Variants in DNAJC5B observed in about 807,000 individuals in gnomAD.
The protein encoded by DNAJC5B is DnaJ heat shock protein family (Hsp40) member C5 beta, also known as dnaJ homolog subfamily C member 5B.
Under a neutral mutation model 24.7 loss-of-function variants are expected in DNAJC5B, and 23 were observed. The observed-to-expected ratio is 0.93, with a 90% CI of 0.67 to 1.32. The LOEUF (loss-of-function observed/expected upper bound fraction) is 1.32. DNAJC5B is among the 40% of genes most tolerant of loss of function. The probability of loss-of-function intolerance (pLI) is 0.00; values close to 1 mark genes in which losing one functional copy is unlikely to be tolerated. For missense variants in DNAJC5B, 238 were observed against 240.8 expected, an observed-to-expected ratio of 0.99 and a Z score of 0.08; for synonymous variants, 101 against 90.1, an observed-to-expected ratio of 1.12 and a Z score of -0.68.
chr8:66,047,782 G>A (rs1214896117), intron 2 of DNAJC5B, among the ~76,000 whole-genome samples: 1 of 152,186 alleles, frequency 6.6e-6, no homozygotes, highest in Admixed American at 6.5e-5. Flanking sequence ...TCAGAGTATG[G>A]TGGTGCAGGG....
intron 5 of DNAJC5B, among the ~76,000 whole-genome samples, chr8:66,090,304 G>A (rs1237066253): frequency 4.7e-5 from 7 of 150,534 alleles, no homozygotes; most frequent in South Asian, 2.1e-4. Context: ...AGAGAGAGAA[G>A]GTATGGAAGC....
intron 1 of DNAJC5B, among the ~76,000 whole-genome samples, chr8:66,024,246 T>C (rs373783591): frequency 7.2e-5 from 11 of 152,298 alleles, no homozygotes; most frequent in African/African-American, 2.4e-4. Context: ...CATCATGGCA[T>C]AGGCTTTACA....
chr8:66,072,969 T>C (rs1371047032), intron 3 of DNAJC5B, among the ~76,000 whole-genome samples: 1 of 152,114 alleles, frequency 6.6e-6, no homozygotes, highest in Non-Finnish European at 1.5e-5. Flanking sequence ...CATAGTGAAT[T>C]CAGAAGAAGG....
At chr8:66,030,889 G>A (rs771361345) in intron 1 of DNAJC5B, among the ~76,000 whole-genome samples, 9 of 152,076 alleles carry the variant, frequency 5.9e-5, no homozygotes, top group African/African-American at 9.7e-5. Context: ...TGCCTACCTC[G>A]TCCTCCCAAA....
intron 4 of DNAJC5B, among the ~76,000 whole-genome samples, chr8:66,079,448 G>T (rs1215288018): frequency 1.3e-5 from 2 of 152,174 alleles, no homozygotes; most frequent in East Asian, 3.9e-4. Context: ...ATTGTTTTGG[G>T]CAGGATCAGG....
chr8:66,046,538 A>G lies in DNAJC5B; in HGVS notation c.-18+2927A>G, dbSNP rs73243230. On this transcript the variant is annotated intron_variant, in intron 2 of 5. Transcript: ENST00000276570. ...CAAGTGTTATTCAATATGACACTCC[A>G]GTAAGAACATGGGCTTTAGAACCAG... 3.0e-3 allele frequency among the ~76,000 whole-genome samples: 458 copies of G among 152,380 alleles called. 2 individuals are homozygous for G. Among genetic ancestry groups the G allele is most frequent in the African/African-American group, 0.011 (443 of 41,580 alleles).
At chr8:66,020,748 C>CT (rs1806098951), upstream of DNAJC5B, among the ~76,000 whole-genome samples, 2 of 152,018 alleles carry the variant, frequency 1.3e-5, no homozygotes, top group African/African-American at 2.4e-5. Context: ...AGCGATCATC[C>CT]CCTGTCAGCC....
intron 4 of DNAJC5B, 81 bp from the exon 5 acceptor site, chr8:66,080,296 T>A: frequency 6.5e-7 from 1 of 1,548,018 alleles, no homozygotes; most frequent in South Asian, 1.3e-5. Context: ...TGGGGGTACC[T>A]GGGTACAGAC....
chr8:66,035,698 G>A (rs1232004622), intron 1 of DNAJC5B, among the ~76,000 whole-genome samples: 2 of 152,182 alleles, frequency 1.3e-5, no homozygotes, highest in African/African-American at 4.8e-5. Flanking sequence ...CTCCAGACCT[G>A]TAAGATGAGA....
chr8:66,033,111 A>G (rs1275201047), intron 1 of DNAJC5B, among the ~76,000 whole-genome samples: 1 of 152,256 alleles, frequency 6.6e-6, no homozygotes, highest in Non-Finnish European at 1.5e-5. Flanking sequence ...CTTCTGGTGT[A>G]TCCCACAGAC....
chr8:66,043,175 G>A (rs1806650976), intron 1 of DNAJC5B, among the ~76,000 whole-genome samples: 1 of 152,194 alleles, frequency 6.6e-6, no homozygotes, highest in African/African-American at 2.4e-5. Context: ...AGCAGTTAAA[G>A]TTTCCCCCTT....
chr8:66,081,003 A>C (rs1283581923), intron 5 of DNAJC5B, among the ~76,000 whole-genome samples: 2 of 152,122 alleles, frequency 1.3e-5, no homozygotes, highest in Non-Finnish European at 2.9e-5. Flanking sequence ...CTTTTTAATG[A>C]CTTGATTATG....
intron 2 of DNAJC5B, among the ~76,000 whole-genome samples, chr8:66,044,333 G>T (rs1405149396): frequency 4.6e-5 from 7 of 152,286 alleles, no homozygotes; most frequent in Non-Finnish European, 1.5e-5. Context: ...CATGGAAAGT[G>T]TGTTTGCTGT....
intron 1 of DNAJC5B, among the ~76,000 whole-genome samples, chr8:66,028,232 GC>G (rs1448340678): frequency 6.6e-6 from 1 of 152,108 alleles, no homozygotes; most frequent in Non-Finnish European, 1.5e-5. Flanking sequence ...GAAAATTTTG[GC>G]CCCGGCACAA....
chr8:66,045,925 G>A (rs1455139549), intron 2 of DNAJC5B, among the ~76,000 whole-genome samples: 1 of 152,174 alleles, frequency 6.6e-6, no homozygotes, highest in African/African-American at 2.4e-5. Context: ...GGTGTACCCA[G>A]TAAAAGTGCT....
intron 1 of DNAJC5B, among the ~76,000 whole-genome samples, chr8:66,041,459 G>C (rs1806606554): frequency 6.6e-6 from 1 of 152,148 alleles, no homozygotes; most frequent in South Asian, 2.1e-4. Flanking sequence ...AATTGAAAGA[G>C]GTGTATAAGG....
At chr8:66,034,513 G>A (rs372289437) in intron 1 of DNAJC5B, among the ~76,000 whole-genome samples, 1 of 152,028 alleles carries the variant, frequency 6.6e-6, no homozygotes, top group Non-Finnish European at 1.5e-5. Flanking sequence ...TAGGCTTGGG[G>A]AGCTCGGAGG....
chr8:66,068,236 C>T (rs1166417543), intron 3 of DNAJC5B, among the ~76,000 whole-genome samples: 1 of 152,028 alleles, frequency 6.6e-6, no homozygotes, highest in Non-Finnish European at 1.5e-5. Context: ...GGAACAGAGC[C>T]ATGAGAATTT....
At chr8:66,082,702 C>T (rs560839403) in intron 5 of DNAJC5B, among the ~76,000 whole-genome samples, 2 of 152,230 alleles carry the variant, frequency 1.3e-5, no homozygotes, top group Admixed American at 1.3e-4. Context: ...ATGCAGGGAT[C>T]CAGATTTTGT....
Sources: gnomAD v4.1 joint callset for allele counts (sites outside exome capture counted in the v4.1 genomes callset) on GRCh38, gnomAD v4.1.1 for gene constraint, MANE v1.5 for transcripts, NCBI Gene and HGNC (gene_info 2026-07-23, HGNC 2026-07-21) for gene names.